Variants in KANSL1 observed in about 807,000 individuals in gnomAD.
The protein encoded by KANSL1 is MLL1/MLL complex subunit KANSL1.
A neutral mutation model predicts 103.6 loss-of-function variants in KANSL1; 22 were observed. The observed-to-expected ratio is 0.21, with a 90% confidence interval of 0.15 to 0.30. The LOEUF (loss-of-function observed/expected upper bound fraction) is 0.30. Ranked by LOEUF, KANSL1 falls within the 10% of genes least tolerant of loss-of-function variation. KANSL1 has a pLI of 1.00. For synonymous variants in KANSL1, 600 were observed against 527.6 expected (o/e 1.14, Z -1.88); for missense variants, 1,337 against 1,399.8 (o/e 0.96, Z 0.72).
At chr17:46,131,764 C>T (rs2043873361) in intron 2 of KANSL1, among the ~76,000 whole-genome samples, 1 of 152,150 alleles carries the variant, frequency 6.6e-6, no homozygotes, top group Non-Finnish European at 1.5e-5. Context: ...AATACCAGTT[C>T]CCAGCTTGCA....
At chr17:46,123,011 C>T (rs1440189610) in intron 2 of KANSL1, among the ~76,000 whole-genome samples, 1 of 152,220 alleles carries the variant, frequency 6.6e-6, no homozygotes, top group Non-Finnish European at 1.5e-5. Flanking sequence ...GAGTCTACAG[C>T]TCTCGCTTTA....
chr17:46,207,882 G>A (rs574574596), intron 1 of KANSL1, among the ~76,000 whole-genome samples: 501 of 152,040 alleles, frequency 3.3e-3, no homozygotes, highest in Non-Finnish European at 5.4e-3. Flanking sequence ...AGGCTGAGGC[G>A]GGTGGATCAC....
At position 46,123,098 on chromosome 17, in the gene KANSL1, G is replaced by A. The variant is rs570913545; in HGVS notation, c.1290-28397C>T. 1.8e-3 allele frequency among the ~76,000 whole-genome samples: 270 copies of A among 152,246 alleles called. 1 individual carries two copies. Among genetic ancestry groups the A allele is most frequent in the African/African-American group, 6.3e-3 (260 of 41,554 alleles). On this transcript the variant is annotated intron_variant, in intron 2 of 14. Coordinates refer to ENST00000432791, the MANE Select transcript of KANSL1 (RefSeq NM_015443.4). Reference sequence around the variant, plus strand: ...AAAGAAAAGAATTTTTTTTAGAGACGGGGCGCAGTGGCTCATGCCTGTAAT... The same window carrying A: ...AAAGAAAAGAATTTTTTTTAGAGACAGGGCGCAGTGGCTCATGCCTGTAAT...
At position 46,039,069 on chromosome 17, in the gene KANSL1, T is replaced by C; in HGVS notation, c.2350A>G (p.Ser784Gly). The C allele has an allele frequency of 6.2e-7, 1 of 1,611,758 alleles. No individual in the cohort carries two copies. The highest frequency in any genetic ancestry group is 8.5e-7 in the Non-Finnish European group (1 of 1,179,694). ...GAATGGTCTCGCAATCTCATTTTGC[T>C]GTGGTTTGGGTCATGCACGGGTGGT... ...PPPPVHDPNH[S>G]KMRLRDHSSE... is the part of the protein sequence containing the mutation. Residue 784 changes from serine (S) to glycine (G), a missense_variant, in exon 9 of 15, where the codon AGC (serine) becomes GGC (glycine). Physicochemically the swap from Ser to Gly is moderately conservative, Grantham distance 56 (BLOSUM62 0). Coordinates refer to ENST00000432791, the MANE Select transcript of KANSL1 (RefSeq NM_015443.4).
chr17:46,097,963 T>A (rs2042154326), intron 2 of KANSL1, among the ~76,000 whole-genome samples: 1 of 149,794 alleles, frequency 6.7e-6, no homozygotes, highest in Non-Finnish European at 1.5e-5. Flanking sequence ...ACCACTGTGA[T>A]AATTATCAAT....
intron 1 of KANSL1, among the ~76,000 whole-genome samples, chr17:46,216,305 A>G (rs2696608): frequency 0.12 from 18,608 of 150,080 alleles, 23 homozygotes; most frequent in Middle Eastern, 0.19. Context: ...AGAGGAAAAA[A>G]GTCTGCAAAG....
chr17:46,056,540 GCTCTCGA>G (rs2077936939), intron 6 of KANSL1, among the ~76,000 whole-genome samples: 1 of 151,552 alleles, frequency 6.6e-6, no homozygotes, highest in African/African-American at 2.4e-5. Context: ...ACAGTATCTG[GCTCTCGA>G]CTCTTAATCA....
At chr17:46,098,561 C>G (rs1482235203) in intron 2 of KANSL1, among the ~76,000 whole-genome samples, 1 of 152,152 alleles carries the variant, frequency 6.6e-6, no homozygotes, top group African/African-American at 2.4e-5. Flanking sequence ...GTCTTATGTC[C>G]CCTACACAGG....
chr17:46,092,076 TC>T (rs2079416031), intron 3 of KANSL1, among the ~76,000 whole-genome samples: 1 of 152,162 alleles, frequency 6.6e-6, no homozygotes, highest in African/African-American at 2.4e-5. Flanking sequence ...CACCTTGGAC[TC>T]CCATGCCTCG....
chr17:46,200,029 C>T (rs2047742180), intron 1 of KANSL1, among the ~76,000 whole-genome samples: 1 of 122,762 alleles, frequency 8.1e-6, no homozygotes, highest in Non-Finnish European at 1.8e-5. Context: ...TAAAGTTCCT[C>T]AATGAGTTTA....
At chr17:46,055,672 A>C (rs1356009582) in intron 6 of KANSL1, among the ~76,000 whole-genome samples, 2 of 152,182 alleles carry the variant, frequency 1.3e-5, no homozygotes, top group Non-Finnish European at 2.9e-5. Flanking sequence ...AACTGAAAGA[A>C]TGTAAGGAAC....
rs922107463 is a variant in KANSL1, at chr17:46,192,977, C to G, written c.-244G>C. On this transcript the variant is annotated 5_prime_UTR_variant, in exon 1 of 15. Coordinates refer to ENST00000432791, the MANE Select transcript of KANSL1 (RefSeq NM_015443.4). The stretch of plus-strand genomic sequence containing the variant: ...GCCCGCCGCTCTCCTCCCCCCGACG[C>G]CCGGAGCCGCCCTGACTTTCCGGGC... 5.9e-5 allele frequency: 9 copies of G among 151,720 alleles called. No individual in the cohort carries two copies. The highest frequency in any genetic ancestry group is 9.7e-5 in the African/African-American group (4 of 41,416). 9.4% of individuals were successfully genotyped at this position (151,720 alleles called of 1,614,324 possible).
At chr17:46,097,699 C>A (rs1278423728) in intron 2 of KANSL1, among the ~76,000 whole-genome samples, 1 of 152,200 alleles carries the variant, frequency 6.6e-6, no homozygotes, top group Non-Finnish European at 1.5e-5. Flanking sequence ...CAGAAAGCAG[C>A]AGCAGTCACA....
intron 2 of KANSL1, among the ~76,000 whole-genome samples, chr17:46,155,879 G>C (rs2045397707): frequency 6.6e-6 from 1 of 152,142 alleles, no homozygotes; most frequent in Non-Finnish European, 1.5e-5. Flanking sequence ...GCTGTAGTAA[G>C]CTATGATCAC....
chr17:46,085,285 T>C (rs1156766011), intron 3 of KANSL1, among the ~76,000 whole-genome samples: 19 of 152,174 alleles, frequency 1.2e-4, no homozygotes, highest in Admixed American at 1.2e-3. Context: ...TCAGTCCAAA[T>C]TGCCGTTCGT....
intron 10 of KANSL1, chr17:46,037,348 T>C (rs2077180711): frequency 6.6e-6 from 1 of 152,204 alleles, no homozygotes; most frequent in Non-Finnish European, 1.5e-5. Flanking sequence ...GTAAAGAAAG[T>C]CGAAGAGCAA....
At chr17:46,058,312 C>A (rs1213366672) in intron 6 of KANSL1, among the ~76,000 whole-genome samples, 3 of 152,176 alleles carry the variant, frequency 2.0e-5, no homozygotes, top group Non-Finnish European at 4.4e-5. Flanking sequence ...GGCTTTTAAA[C>A]TGTGACCAGC....
intron 2 of KANSL1, among the ~76,000 whole-genome samples, chr17:46,112,875 T>C (rs956152538): frequency 2.4e-4 from 37 of 152,164 alleles, no homozygotes; most frequent in Admixed American, 1.8e-3. Flanking sequence ...GCATGCGCCA[T>C]CACGCCGGGC....
At chr17:46,089,790 T>G (rs1253270012) in intron 3 of KANSL1, among the ~76,000 whole-genome samples, 2 of 152,250 alleles carry the variant, frequency 1.3e-5, no homozygotes, top group African/African-American at 4.8e-5. Context: ...ACTGCTCTGA[T>G]CTTCCATTGT....
Sources: allele counts gnomAD v4.1 joint callset (sites outside exome capture counted in the v4.1 genomes callset), GRCh38; gene constraint gnomAD v4.1.1; transcripts MANE v1.5; gene names NCBI Gene and HGNC (gene_info 2026-07-23, HGNC 2026-07-21).